FSD1L: variants seen among roughly 807,000 people sequenced by gnomAD.
FSD1L encodes the protein fibronectin type III and SPRY domain containing 1 like, also known as FSD1-like protein.
In FSD1L, 45 loss-of-function variants were observed where a neutral mutation model predicts 71.6. That is an observed-to-expected ratio of 0.63 (90% CI 0.49 to 0.81). The LOEUF is 0.81. Ranked by LOEUF, FSD1L falls within the 30% of genes least tolerant of loss-of-function variation. The pLI is 0.00. For synonymous variants in FSD1L, 197 were observed against 207.2 expected, an observed-to-expected ratio of 0.95 and a Z score of 0.42; for missense variants, 561 against 618.1, an observed-to-expected ratio of 0.91 and a Z score of 0.98.
At chr9:105,456,788 A>G (rs533799802) in intron 1 of FSD1L, among the ~76,000 whole-genome samples, 3 of 152,354 alleles carry the variant, frequency 2.0e-5, no homozygotes, top group South Asian at 4.1e-4. Flanking sequence ...ACTATGATCT[A>G]GCAGAATTGG....
upstream of FSD1L, among the ~76,000 whole-genome samples, chr9:105,447,323 C>A (rs1340152744): frequency 2.9e-5 from 1 of 35,062 alleles, no homozygotes; most frequent in Non-Finnish European, 4.6e-5. Flanking sequence ...GACTCCATCT[C>A]CAAAAAAAAA....
chr9:105,513,495 AT>A (rs1834520364), intron 10 of FSD1L: 3 of 795,002 alleles, frequency 3.8e-6, no homozygotes, highest in East Asian at 2.9e-5. Flanking sequence ...ACAGTAATGA[AT>A]CCCCAAAAAT....
At chr9:105,524,487 C>T in intron 10 of FSD1L, 3 of 1,613,666 alleles carry the variant, frequency 1.9e-6, no homozygotes, top group Non-Finnish European at 2.5e-6. Flanking sequence ...CCAACCATTT[C>T]ATGCTACGGG....
chr9:105,517,137 T>A lies in FSD1L; in HGVS notation c.1025+4201T>A, dbSNP rs113385076. Among the ~76,000 whole-genome samples, 1,401 of 151,988 alleles carry A rather than the reference T, an allele frequency of 9.2e-3. 22 individuals carry two copies. Among genetic ancestry groups the A allele is most frequent in the African/African-American group, 0.032 (1,342 of 41,458 alleles). ...GACAAGATTAGAGAAAAAAGAATAA[T>A]AGGGAATGAACAAAGGCTCCAAGAA... On this transcript the variant is annotated intron_variant, in intron 10 of 13. Coordinates refer to ENST00000481272, the MANE Select transcript of FSD1L (RefSeq NM_001145313.3).
At chr9:105,503,939 T>C (rs1374671002) in intron 7 of FSD1L, among the ~76,000 whole-genome samples, 2 of 152,254 alleles carry the variant, frequency 1.3e-5, no homozygotes, top group African/African-American at 4.8e-5. Flanking sequence ...TGGGGACCAT[T>C]ATTCACAAGA....
intron 1 of FSD1L, among the ~76,000 whole-genome samples, chr9:105,454,950 G>A (rs1462734363): frequency 2.6e-5 from 4 of 152,156 alleles, no homozygotes; most frequent in Admixed American, 2.0e-4. Flanking sequence ...CATCATTTAG[G>A]TATATTATGA....
rs966682263 is a variant in FSD1L, at chr9:105,526,087, A to G, written c.1026-8406A>G. 5 of 1,531,348 alleles carry G rather than the reference A, an allele frequency of 3.3e-6. No homozygotes were observed. In the African/African-American group the frequency reaches 5.5e-5, roughly 17 times the overall value. 94.9% of individuals were successfully genotyped at this position (1,531,348 alleles called of 1,614,324 possible). ...TCACATGTTCAGTATTCAGATAATG[A>G]GAAAACCAGAGGTTCCCTTCTTTGG... On this transcript the variant is annotated intron_variant, in intron 10 of 13. Transcript: ENST00000481272.
chr9:105,463,710 C>A (rs551886951), intron 2 of FSD1L, among the ~76,000 whole-genome samples: 9 of 152,216 alleles, frequency 5.9e-5, no homozygotes, highest in African/African-American at 2.2e-4. Context: ...ACTAAAATTG[C>A]TTTATTTATT....
upstream of FSD1L, among the ~76,000 whole-genome samples, chr9:105,446,647 G>A (rs1829655967): frequency 6.6e-6 from 1 of 152,008 alleles, no homozygotes; most frequent in Non-Finnish European, 1.5e-5. Context: ...TGGGATTACA[G>A]GTGTGAGCCA....
chr9:105,529,288 A>G (rs1835736641), intron 10 of FSD1L, among the ~76,000 whole-genome samples: 2 of 152,206 alleles, frequency 1.3e-5, no homozygotes, highest in Non-Finnish European at 2.9e-5. Context: ...TACCCAAAGG[A>G]TTTATAAATC....
At chr9:105,523,638 C>T (rs1835323759) in intron 10 of FSD1L, 1 of 1,609,698 alleles carries the variant, frequency 6.2e-7, no homozygotes, top group East Asian at 2.2e-5. Flanking sequence ...AATTCTTACA[C>T]CTTGGCTTTT....
intron 8 of FSD1L, among the ~76,000 whole-genome samples, chr9:105,507,746 G>C (rs1041416148): frequency 6.6e-6 from 1 of 152,062 alleles, no homozygotes; most frequent in African/African-American, 2.4e-5. Context: ...ATCTCTCTCT[G>C]AGTGAAATAC....
Position 105,506,919 on chromosome 9 carries a change from A to G in FSD1L, c.796+311A>G, listed in dbSNP as rs190581204. 9.2e-3 allele frequency among the ~76,000 whole-genome samples: 1,397 copies of G among 152,100 alleles called. 21 individuals carry two copies. Among genetic ancestry groups the G allele is most frequent in the African/African-American group, 0.032 (1,337 of 41,482 alleles). ...CCTGACAAGCTGGGACTATAGGCAC[A>G]CGCCACCACACTTAGCTAATTTTTG... On this transcript the variant is annotated intron_variant, in intron 8 of 13. Transcript: ENST00000481272.
intron 1 of FSD1L, among the ~76,000 whole-genome samples, chr9:105,453,513 G>A (rs113945161): frequency 3.9e-5 from 6 of 152,048 alleles, no homozygotes; most frequent in African/African-American, 9.6e-5. Flanking sequence ...GTGTGTGTGC[G>A]TGTGTGTGCA....
At chr9:105,482,727 T>C (rs762856797) in intron 6 of FSD1L, among the ~76,000 whole-genome samples, 2 of 152,216 alleles carry the variant, frequency 1.3e-5, no homozygotes, top group African/African-American at 2.4e-5. Flanking sequence ...AGAGTTGTTC[T>C]TGTTTTTTTT....
intron 7 of FSD1L, among the ~76,000 whole-genome samples, chr9:105,501,449 G>C (rs1833754216): frequency 6.6e-6 from 1 of 151,930 alleles, no homozygotes; most frequent in South Asian, 2.1e-4. Context: ...TTTGAGACAG[G>C]GTATTTCTCT....
At chr9:105,468,725 C>G (rs1210307241) in intron 4 of FSD1L, among the ~76,000 whole-genome samples, 1 of 151,738 alleles carries the variant, frequency 6.6e-6, no homozygotes, top group East Asian at 1.9e-4. Context: ...AAACTCCTGA[C>G]CTCAGGTGAT....
At chr9:105,496,069 G>A (rs1833378254) in intron 7 of FSD1L, among the ~76,000 whole-genome samples, 1 of 151,126 alleles carries the variant, frequency 6.6e-6, no homozygotes, top group Non-Finnish European at 1.5e-5. Flanking sequence ...CCTTGACGAT[G>A]TCTTTTACAG....
At chr9:105,513,538 TA>T (rs975007351) in intron 10 of FSD1L, 3 of 1,370,620 alleles carry the variant, frequency 2.2e-6, no homozygotes, top group African/African-American at 2.9e-5. Context: ...GATTTCATTA[TA>T]AGCTGTTAAA....
Sources: gnomAD v4.1 joint callset for allele counts (sites outside exome capture counted in the v4.1 genomes callset) on GRCh38, gnomAD v4.1.1 for gene constraint, MANE v1.5 for transcripts, NCBI Gene and HGNC (gene_info 2026-07-23, HGNC 2026-07-21) for gene names.